Variants in TRIM44 observed in about 807,000 individuals in gnomAD.
TRIM44 encodes tripartite motif-containing protein 44.
Under a neutral mutation model 37.4 loss-of-function variants are expected in TRIM44, and 13 were observed. That is an observed-to-expected ratio of 0.35 (90% confidence interval 0.23 to 0.55). TRIM44 has a LOEUF of 0.55. Among genes scored for constraint, TRIM44 ranks in the 20% least tolerant of loss-of-function variants. The pLI is 0.89. For missense variants in TRIM44, 426 were observed against 437.2 expected (o/e 0.97, Z 0.23); for synonymous variants, 175 against 157.2 (o/e 1.11, Z -0.85).
intron 4 of TRIM44, among the ~76,000 whole-genome samples, chr11:35,796,244 G>A (rs1011936945): frequency 3.5e-5 from 5 of 141,416 alleles, no homozygotes; most frequent in Non-Finnish European, 8.2e-5. Flanking sequence ...GCACGTGTGT[G>A]TATCTGCCTC....
chr11:35,718,496 C>G (rs934247024), intron 2 of TRIM44, among the ~76,000 whole-genome samples: 2 of 152,120 alleles, frequency 1.3e-5, no homozygotes, highest in Non-Finnish European at 2.9e-5. Context: ...ACTCCTTCCC[C>G]ACATGCGTAG....
At chr11:35,788,835 A>T (rs542764891) in intron 4 of TRIM44, among the ~76,000 whole-genome samples, 1 of 152,288 alleles carries the variant, frequency 6.6e-6, no homozygotes, top group South Asian at 2.1e-4. Flanking sequence ...GTGGCTGGAG[A>T]AGCAGTTTGG....
At chr11:35,689,904 T>C (rs559472109) in intron 2 of TRIM44, among the ~76,000 whole-genome samples, 8 of 152,334 alleles carry the variant, frequency 5.3e-5, no homozygotes, top group Admixed American at 4.6e-4. Flanking sequence ...TTTCTCTCTA[T>C]TATGTATTGA....
intron 4 of TRIM44, among the ~76,000 whole-genome samples, chr11:35,790,860 A>G (rs1853200243): frequency 6.6e-6 from 1 of 152,204 alleles, no homozygotes; most frequent in Non-Finnish European, 1.5e-5. Flanking sequence ...ACTTACTAAA[A>G]GGGCAGGGGT....
At chr11:35,723,109 C>T (rs1187453962) in intron 2 of TRIM44, among the ~76,000 whole-genome samples, 1 of 151,244 alleles carries the variant, frequency 6.6e-6, no homozygotes, top group East Asian at 2.0e-4. Context: ...CTCTATCTCT[C>T]CTTCTCTTTC....
intron 2 of TRIM44, among the ~76,000 whole-genome samples, chr11:35,708,521 A>G (rs1408441526): frequency 6.6e-6 from 1 of 151,914 alleles, no homozygotes; most frequent in Non-Finnish European, 1.5e-5. Flanking sequence ...CCAAATGTCC[A>G]ACAATGATAG....
chr11:35,679,239 A>C (rs990007709), intron 1 of TRIM44, among the ~76,000 whole-genome samples: 19 of 152,166 alleles, frequency 1.2e-4, no homozygotes, highest in African/African-American at 4.6e-4. Context: ...GACTTCCATG[A>C]AAGTGCAGAG....
chr11:35,803,357 G>A (rs745824128), intron 4 of TRIM44, among the ~76,000 whole-genome samples: 1 of 152,076 alleles, frequency 6.6e-6, no homozygotes, highest in Non-Finnish European at 1.5e-5. Flanking sequence ...AGGTGTTTCA[G>A]AGGAGCATGA....
chr11:35,734,678 C>CA (rs771631748), intron 3 of TRIM44, among the ~76,000 whole-genome samples: 4 of 152,132 alleles, frequency 2.6e-5, no homozygotes, highest in Non-Finnish European at 4.4e-5. Context: ...GAAGGAAGCT[C>CA]AAAGGAATCT....
chr11:35,773,654 G>C (rs1470650331), intron 4 of TRIM44, among the ~76,000 whole-genome samples: 2 of 152,014 alleles, frequency 1.3e-5, no homozygotes, highest in Non-Finnish European at 2.9e-5. Flanking sequence ...CCGGTGTGTG[G>C]TGTTCCCCAC....
chr11:35,797,972 C>G (rs1216418115), intron 4 of TRIM44, among the ~76,000 whole-genome samples: 1 of 152,110 alleles, frequency 6.6e-6, no homozygotes, highest in Non-Finnish European at 1.5e-5. Flanking sequence ...AAGGACACAC[C>G]CATGACACAG....
At chr11:35,732,297 A>C (rs947998669) in intron 3 of TRIM44, among the ~76,000 whole-genome samples, 4 of 152,210 alleles carry the variant, frequency 2.6e-5, no homozygotes, top group African/African-American at 9.6e-5. Context: ...ACAAGAGTGC[A>C]GTCTGCCATC....
intron 2 of TRIM44, among the ~76,000 whole-genome samples, chr11:35,703,352 G>A (rs537805419): frequency 4.6e-5 from 7 of 152,348 alleles, no homozygotes; most frequent in Non-Finnish European, 8.8e-5. Flanking sequence ...CAAAAAGACA[G>A]CAGTAACCTC....
intron 2 of TRIM44, among the ~76,000 whole-genome samples, chr11:35,691,844 A>G (rs1851640025): frequency 6.6e-6 from 1 of 152,054 alleles, no homozygotes; most frequent in African/African-American, 2.4e-5. Context: ...ACGGGGTTTC[A>G]CTGTGTTAGC....
rs1056189944 is a variant in TRIM44, at chr11:35,662,891, A to G, written c.-221A>G. The G allele has an allele frequency of 3.7e-5, 24 of 647,494 alleles. No homozygotes were observed. Among genetic ancestry groups the G allele is most frequent in the Non-Finnish European group, 5.0e-5 (23 of 459,420 alleles). 40.1% of individuals were successfully genotyped at this position (647,494 alleles called of 1,614,324 possible). On this transcript the variant is annotated 5_prime_UTR_variant, in exon 1 of 5. Coordinates refer to ENST00000299413, the MANE Select transcript of TRIM44 (RefSeq NM_017583.6). Reference sequence around the variant, plus strand: ...GTGCCTTGCGCGGCAGAGGAAGCGCAGGGACAGAGCGGAGCAGGCCGAGCC... The same window carrying G: ...GTGCCTTGCGCGGCAGAGGAAGCGCGGGGACAGAGCGGAGCAGGCCGAGCC...
chr11:35,731,285 T>C (rs1187256171), intron 3 of TRIM44, among the ~76,000 whole-genome samples: 2 of 152,232 alleles, frequency 1.3e-5, no homozygotes, highest in East Asian at 3.8e-4. Context: ...AGGGCTTTTA[T>C]ACAAACTGAT....
intron 2 of TRIM44, among the ~76,000 whole-genome samples, chr11:35,687,475 A>C (rs985936373): frequency 6.6e-6 from 1 of 152,254 alleles, no homozygotes; most frequent in Non-Finnish European, 1.5e-5. Context: ...ATTAAAAGTT[A>C]CTGAAAGCTT....
Position 35,812,045 on chromosome 11 carries a change from C to T in TRIM44, c.*5660C>T, listed in dbSNP as rs1481259974. On this transcript the variant is annotated 3_prime_UTR_variant, in exon 5 of 5. Coordinates refer to ENST00000299413, the MANE Select transcript of TRIM44 (RefSeq NM_017583.6). The stretch of plus-strand genomic sequence containing the variant: ...TAGGAGTCTTCAGTGTTTTAACAAA[C>T]CACAATGTGTTTGGAGGTTTTCTTC... The T allele has an allele frequency of 6.6e-6, 1 of 152,200 alleles. No homozygotes were observed. The highest frequency in any genetic ancestry group is 1.5e-5 in the Non-Finnish European group (1 of 68,052). 9.4% of individuals were successfully genotyped at this position (152,200 alleles called of 1,614,324 possible).
chr11:35,733,616 G>A (rs761228512), intron 3 of TRIM44, among the ~76,000 whole-genome samples: 2 of 152,074 alleles, frequency 1.3e-5, no homozygotes, highest in African/African-American at 2.4e-5. Flanking sequence ...CACTATTGCA[G>A]ATCTTTAACA....
Sources: gnomAD v4.1 joint callset for allele counts (sites outside exome capture counted in the v4.1 genomes callset) on GRCh38, gnomAD v4.1.1 for gene constraint, MANE v1.5 for transcripts, NCBI Gene and HGNC (gene_info 2026-07-23, HGNC 2026-07-21) for gene names.